Variants in INPP5A observed in about 807,000 individuals in gnomAD.
INPP5A encodes 43 kDa inositol polyphosphate 5-phophatase.
INPP5A carries 14 observed loss-of-function variants against 65.2 expected under a neutral mutation model. The observed-to-expected ratio is 0.21, with a 90% CI of 0.14 to 0.34. INPP5A has a LOEUF of 0.34. INPP5A is among the 10% of genes least tolerant of loss of function. The probability of loss-of-function intolerance (pLI) is 1.00; values close to 1 mark genes in which losing one functional copy is unlikely to be tolerated. For synonymous variants in INPP5A, 207 were observed against 208.3 expected, an observed-to-expected ratio of 0.99 and a Z score of 0.05; for missense variants, 431 against 545.6, an observed-to-expected ratio of 0.79 and a Z score of 2.09.
chr10:132,596,912 T>C (rs1175157201), intron 1 of INPP5A, among the ~76,000 whole-genome samples: 1 of 53,104 alleles, frequency 1.9e-5, no homozygotes, highest in African/African-American at 4.1e-5. Flanking sequence ...TGTGCATGTG[T>C]GCATGTGTGC....
At chr10:132,617,829 C>T (rs564155281) in intron 2 of INPP5A, among the ~76,000 whole-genome samples, 6 of 152,332 alleles carry the variant, frequency 3.9e-5, no homozygotes, top group African/African-American at 7.2e-5. Context: ...TGTTTGCCTG[C>T]GTGGCTGTGG....
At chr10:132,724,417 G>T (rs1421821125) in intron 8 of INPP5A, among the ~76,000 whole-genome samples, 1 of 152,242 alleles carries the variant, frequency 6.6e-6, no homozygotes, top group African/African-American at 2.4e-5. Context: ...CCCGCGTGGG[G>T]ACTGGGGCAG....
At chr10:132,736,650 C>T (rs1192265535) in intron 9 of INPP5A, among the ~76,000 whole-genome samples, 1 of 152,248 alleles carries the variant, frequency 6.6e-6, no homozygotes, top group African/African-American at 2.4e-5. Context: ...CAGTGGAGAC[C>T]ATGGCCGGCA....
rs762730484 is a variant in INPP5A, at chr10:132,749,617, G to GC, written c.828+6dup. On this transcript the variant is annotated splice_donor_region_variant and intron_variant, in intron 10 of 15. Transcript: ENST00000368594. ...GAGTCGGACAACGACCGGAAGGTGA[G>GC]CGGGGCCTGTGACTGGGCAGGTGAC... The GC allele has an allele frequency of 4.3e-6, 7 of 1,612,808 alleles. No individual in the cohort carries two copies. In the South Asian group the frequency reaches 7.7e-5, roughly 18 times the overall value.
chr10:132,659,023 GGAA>G lies in INPP5A; in HGVS notation c.306+8520_306+8522del, dbSNP rs1164727425. Among the ~76,000 whole-genome samples, 1 of 152,220 alleles carries G rather than the reference GGAA, an allele frequency of 6.6e-6. No homozygotes were observed. The highest frequency in any genetic ancestry group is 1.9e-4 in the East Asian group (1 of 5,194). On this transcript the variant is annotated intron_variant, in intron 4 of 15. Coordinates refer to ENST00000368594, the MANE Select transcript of INPP5A (RefSeq NM_005539.5). This position sits in a 1 kb window ranked among gnomAD's most constrained non-coding sequence, Gnocchi z 5.5. ...CCTGGAGTCAGCTGCCGTCCACAGTGGAAGCTGCCAGCCACCAAGGCTACCGAC... is the reference window on the plus strand; with the variant it reads ...CCTGGAGTCAGCTGCCGTCCACAGTGGCTGCCAGCCACCAAGGCTACCGAC...
At chr10:132,595,876 A>G (rs1262967166) in intron 1 of INPP5A, among the ~76,000 whole-genome samples, 1 of 150,312 alleles carries the variant, frequency 6.7e-6, no homozygotes, top group East Asian at 2.0e-4. Context: ...ATAGAGTTCC[A>G]CATTTGAAAG....
chr10:132,657,048 C>T (rs1452238161), intron 4 of INPP5A, among the ~76,000 whole-genome samples: 3 of 152,184 alleles, frequency 2.0e-5, no homozygotes, highest in Non-Finnish European at 2.9e-5. Flanking sequence ...AGTCTGAGCT[C>T]CTTGTGTAGG....
chr10:132,693,584 T>G (rs1039458574), intron 5 of INPP5A, among the ~76,000 whole-genome samples: 3 of 152,002 alleles, frequency 2.0e-5, no homozygotes, highest in Admixed American at 2.0e-4. Context: ...AGCAGAAAGA[T>G]CTGAAATCAA....
At chr10:132,641,237 T>C (rs2072423723) in intron 2 of INPP5A, among the ~76,000 whole-genome samples, 1 of 152,226 alleles carries the variant, frequency 6.6e-6, no homozygotes, top group Non-Finnish European at 1.5e-5. Context: ...ATTCCCCTTA[T>C]TTGCCAGTTT....
At chr10:132,745,594 G>A (rs1346358387) in intron 9 of INPP5A, among the ~76,000 whole-genome samples, 1 of 108,176 alleles carries the variant, frequency 9.2e-6, no homozygotes, top group East Asian at 2.5e-4. Context: ...CCTCGGGTGT[G>A]GTGGGCCCAC....
chr10:132,571,960 A>C (rs374566279), intron 1 of INPP5A, among the ~76,000 whole-genome samples: 1 of 152,114 alleles, frequency 6.6e-6, no homozygotes, highest in East Asian at 1.9e-4. Context: ...TCTGTCCCCC[A>C]CTGCTGTGCC....
intron 11 of INPP5A, among the ~76,000 whole-genome samples, chr10:132,757,529 C>A (rs753512946): frequency 2.6e-5 from 4 of 152,248 alleles, no homozygotes; most frequent in Non-Finnish European, 5.9e-5. Context: ...GGAGCGTACA[C>A]GCGCTGTGAT....
rs1433675575 is a variant in INPP5A at position 132,546,725 on chromosome 10, T to G, written c.75+8554T>G. ...GAACTGCCCCTCTTCCTGGGTGCAC[T>G]GCATACCCCGGGCCCCCTGGGCTCT... On this transcript the variant is annotated intron_variant, in intron 1 of 15. Transcript: ENST00000368594. This position sits in a 1 kb window ranked among gnomAD's most constrained non-coding sequence, Gnocchi z 5.7. 6.6e-6 allele frequency among the ~76,000 whole-genome samples: 1 copy of G among 152,174 alleles called. No homozygotes were observed. Among genetic ancestry groups the G allele is most frequent in the Non-Finnish European group, 1.5e-5 (1 of 68,022 alleles).
chr10:132,754,761 G>C (rs1337165712), intron 11 of INPP5A, among the ~76,000 whole-genome samples: 1 of 152,216 alleles, frequency 6.6e-6, no homozygotes, highest in Non-Finnish European at 1.5e-5. Context: ...GGGGCCCCCA[G>C]CCACCGAAAA....
rs1005438829 is a variant in INPP5A at position 132,698,067 on chromosome 10, G to A, written c.474+148G>A. The A allele has an allele frequency of 1.2e-5, 8 of 648,898 alleles. No individual in the cohort carries two copies. The highest frequency in any genetic ancestry group is 2.2e-5 in the Non-Finnish European group (8 of 356,416). 40.2% of individuals were successfully genotyped at this position (648,898 alleles called of 1,614,324 possible). A position where few individuals can be genotyped will look rare whatever the true frequency, so the allele number is the denominator to read the frequency against. ...GATAATCTGTCTTCCTGGGAGTCCA[G>A]GCTTCTGTGGTTGGTCTGGGCTGTC... On this transcript the variant is annotated intron_variant, in intron 6 of 15. Coordinates refer to ENST00000368594, the MANE Select transcript of INPP5A (RefSeq NM_005539.5). This position sits in a 1 kb window ranked among gnomAD's most constrained non-coding sequence, Gnocchi z 5.5.
chr10:132,732,015 C>T (rs1388585089), intron 9 of INPP5A, among the ~76,000 whole-genome samples: 1 of 152,206 alleles, frequency 6.6e-6, no homozygotes. Context: ...GAGCCCCCGG[C>T]ACCCCAGGCA....
At chr10:132,669,379 G>T (rs1300554036) in intron 4 of INPP5A, among the ~76,000 whole-genome samples, 1 of 152,196 alleles carries the variant, frequency 6.6e-6, no homozygotes, top group Non-Finnish European at 1.5e-5. Flanking sequence ...GCCCACTGTG[G>T]CCTACTCTGA....
intron 1 of INPP5A, 58 bp from the exon 2 acceptor site, chr10:132,607,857 T>G: frequency 6.6e-7 from 1 of 1,522,350 alleles, no homozygotes; most frequent in Non-Finnish European, 9.0e-7. Flanking sequence ...TTGTCCTGGC[T>G]CTGTTTAGGG....
intron 1 of INPP5A, among the ~76,000 whole-genome samples, chr10:132,604,678 G>A (rs2071823045): frequency 6.6e-6 from 1 of 152,242 alleles, no homozygotes; most frequent in African/African-American, 2.4e-5. Context: ...ATGGAGGGAA[G>A]ACAGAGAAGG....
Sources: allele counts gnomAD v4.1 joint callset (sites outside exome capture counted in the v4.1 genomes callset), GRCh38; gene constraint gnomAD v4.1.1; non-coding constraint Gnocchi (gnomAD v3.1); transcripts MANE v1.5; gene names NCBI Gene and HGNC (gene_info 2026-07-23, HGNC 2026-07-21).